The following SPAG1 variants were observed in gnomAD, a reference collection of about 807,000 sequenced individuals.
SPAG1 encodes the protein sperm associated antigen 1.
A neutral mutation model predicts 100.5 loss-of-function variants in SPAG1; 69 were observed. The ratio of observed to expected loss-of-function variants is 0.69; its 90% CI spans 0.57 to 0.84. The LOEUF (loss-of-function observed/expected upper bound fraction) is 0.84. Ranked by LOEUF, SPAG1 falls within the 40% of genes least tolerant of loss-of-function variation. SPAG1 has a pLI of 0.00. For missense variants in SPAG1, 955 were observed against 1,133.1 expected (o/e 0.84, Z 2.26); for synonymous variants, 336 against 411.6 (o/e 0.82, Z 2.22).
chr8:100,162,212 G>A, intron 1 of SPAG1, 67 bp from the exon 2 acceptor site: 4 of 1,281,514 alleles, frequency 3.1e-6, no homozygotes, highest in Non-Finnish European at 4.3e-6. Flanking sequence ...TACCTACATG[G>A]TTACCACTAT....
chr8:100,240,086 T>A (rs1265885987), intron 17 of SPAG1, among the ~76,000 whole-genome samples: 2 of 152,200 alleles, frequency 1.3e-5, no homozygotes, highest in African/African-American at 4.8e-5. Context: ...GCAATGTAAG[T>A]TCATTTCTCT....
At chr8:100,163,350 G>A (rs1354496190) in intron 2 of SPAG1, among the ~76,000 whole-genome samples, 1 of 152,026 alleles carries the variant, frequency 6.6e-6, no homozygotes, top group Non-Finnish European at 1.5e-5. Flanking sequence ...AAGAAACACT[G>A]TCCTGAGTAC....
Position 100,239,405 on chromosome 8 carries a change from G to T in SPAG1, c.2280+1G>T. 6.4e-7 allele frequency: 1 copy of T among 1,572,344 alleles called. No individual in the cohort carries two copies. On this transcript the variant is annotated splice_donor_variant, in intron 17 of 18. Coordinates refer to ENST00000388798, the MANE Select transcript of SPAG1 (RefSeq NM_003114.5). LOFTEE classifies it high-confidence loss of function. The surrounding 1 kb of genome is among the most constrained non-coding windows in gnomAD (Gnocchi z 5.0). Reference sequence around the variant, plus strand: ...GAGAAGGAAAATTGAGATTCAAGAGGTATTTGTATTTGATTATCTTTGAAA... The same window carrying T: ...GAGAAGGAAAATTGAGATTCAAGAGTTATTTGTATTTGATTATCTTTGAAA...
At chr8:100,226,186 G>A (rs758007932) in intron 14 of SPAG1, among the ~76,000 whole-genome samples, 30 of 151,702 alleles carry the variant, frequency 2.0e-4, no homozygotes, top group Admixed American at 1.6e-3. Context: ...TAGTAGAGAC[G>A]GAGTCTCCCT....
chr8:100,229,497 T>C (rs188659472), intron 14 of SPAG1, among the ~76,000 whole-genome samples: 1 of 152,262 alleles, frequency 6.6e-6, no homozygotes, highest in Non-Finnish European at 1.5e-5. Flanking sequence ...CCAGGCTTTT[T>C]AATCTGTTAT....
intron 10 of SPAG1, among the ~76,000 whole-genome samples, chr8:100,211,405 C>T (rs1817711895): frequency 6.6e-6 from 1 of 152,200 alleles, no homozygotes; most frequent in South Asian, 2.1e-4. Flanking sequence ...CCTGCAATCC[C>T]AGGACTTTGG....
At chr8:100,206,052 A>AAAAAAAAAAAAAAAAAAAAAAAAG (rs748963905) in intron 10 of SPAG1, among the ~76,000 whole-genome samples, 1 of 132,704 alleles carries the variant, frequency 7.5e-6, no homozygotes, top group Non-Finnish European at 1.6e-5. Flanking sequence ...AAAAAAAAAA[A>AAAAAAAAAAAAAAAAAAAAAAAAG]AAAGAAAGAT....
chr8:100,187,032 T>C, intron 7 of SPAG1, 88 bp from the exon 8 acceptor site: 2 of 1,327,572 alleles, frequency 1.5e-6, no homozygotes, highest in Non-Finnish European at 2.1e-6. Flanking sequence ...CAGGTTATAA[T>C]TGTTTTATGT....
rs753601332 is a variant in SPAG1 at position 100,240,529 on chromosome 8, C to T, written c.2407C>T (p.Pro803Ser). The change falls in exon 18 of 19, where the codon CCT becomes TCT. Residue 803 changes from proline to serine, a missense_variant. Coordinates refer to ENST00000388798, the MANE Select transcript of SPAG1 (RefSeq NM_003114.5). The stretch of plus-strand genomic sequence containing the variant: ...CCCTGAGAAACTTCCGATAGCCAAG[C>T]CTAATAATGCCTATGAATTTGGTCA... ...EDPEKLPIAK[P>S]NNAYEFGQII... 4.9e-5 allele frequency: 79 copies of T among 1,613,946 alleles called. No homozygotes were observed. Among genetic ancestry groups the T allele is most frequent in the Non-Finnish European group, 3.1e-5 (37 of 1,180,002 alleles).
rs76402530 is a variant in SPAG1 at position 100,186,380 on chromosome 8, G to A, written c.702-740G>A. Among the ~76,000 whole-genome samples, 5 of 152,154 alleles carry A rather than the reference G, an allele frequency of 3.3e-5. No individual in the cohort carries two copies. The East Asian group carries it at 9.6e-4, about 29-fold the overall frequency. On this transcript the variant is annotated intron_variant, in intron 7 of 18. Coordinates refer to ENST00000388798, the MANE Select transcript of SPAG1 (RefSeq NM_003114.5). The stretch of plus-strand genomic sequence containing the variant: ...GCCACCATGCCTGGCTTCAAAAAAT[G>A]TGTTTGGTATTTGATATTTGATGTT...
chr8:100,239,322 AG>A lies in SPAG1; in HGVS notation c.2200del (p.Val734Ter), dbSNP rs1342592361. On this transcript the variant is annotated frameshift_variant, in exon 17 of 19. Coordinates refer to ENST00000388798, the MANE Select transcript of SPAG1 (RefSeq NM_003114.5). LOFTEE classifies it high-confidence loss of function. The surrounding 1 kb of genome is among the most constrained non-coding windows in gnomAD (Gnocchi z 5.0). ...SIIEAKMELE[E>X]VTRLLNLKDK... ...ATTGAGGCAAAGATGGAACTGGAAG[AG>A]GTAACTAGACTCCTTAATCTTAAGG... 2 of 1,571,396 alleles carry A rather than the reference AG, an allele frequency of 1.3e-6. No individual in the cohort carries two copies. Among genetic ancestry groups the A allele is most frequent in the African/African-American group, 1.4e-5 (1 of 72,410 alleles).
intron 10 of SPAG1, among the ~76,000 whole-genome samples, chr8:100,201,103 T>TTTCCTTCC (rs770714931): frequency 6.6e-6 from 1 of 151,930 alleles, no homozygotes; most frequent in Non-Finnish European, 1.5e-5. Context: ...TTTATTTCTT[T>TTTCCTTCC]TTCCTTCCTT....
rs1244692102 is a variant in SPAG1 at position 100,213,445 on chromosome 8, C to T, written c.1435+17C>T. 2.9e-6 allele frequency: 4 copies of T among 1,384,884 alleles called. No homozygotes were observed. The highest frequency in any genetic ancestry group is 2.8e-6 in the Non-Finnish European group (3 of 1,071,612). 85.8% of individuals were successfully genotyped at this position (1,384,884 alleles called of 1,614,324 possible). ...AGCCAGCAGGTAGGTGCGCCGCGCC[C>T]CGCCGCTTCCTGGGCCCCTCGCGCT... On this transcript the variant is annotated intron_variant, in intron 11 of 18. Transcript: ENST00000388798.
At chr8:100,228,092 C>T (rs1337358121) in intron 14 of SPAG1, among the ~76,000 whole-genome samples, 1 of 152,024 alleles carries the variant, frequency 6.6e-6, no homozygotes, top group East Asian at 1.9e-4. Context: ...AATCCTTCTG[C>T]CTCAACCTCT....
chr8:100,194,173 C>T lies in SPAG1; in HGVS notation c.1001C>T (p.Thr334Ile), dbSNP rs747357469. 1 of 1,607,852 alleles carries T rather than the reference C, an allele frequency of 6.2e-7. No individual in the cohort carries two copies. Among genetic ancestry groups the T allele is most frequent in the South Asian group, 1.1e-5 (1 of 89,060 alleles). Residue 334 changes from threonine (T) to isoleucine (I), a missense_variant, in exon 10 of 19, where the codon ACC (threonine) becomes ATC (isoleucine). Coordinates refer to ENST00000388798, the MANE Select transcript of SPAG1 (RefSeq NM_003114.5). ...KNSEAASETQ[T>I]KGKRMVIQEI... ...TCTGAAGCTGCATCTGAGACTCAAA[C>T]CAAAGGGAAAAGGATGGTTATTCAG...
intron 10 of SPAG1, among the ~76,000 whole-genome samples, chr8:100,197,044 A>G (rs914523957): frequency 6.6e-6 from 1 of 151,954 alleles, no homozygotes; most frequent in Admixed American, 6.6e-5. Context: ...ACACCACCGC[A>G]CTCAGCTTGC....
At chr8:100,178,041 T>A in intron 4 of SPAG1, 100 bp downstream of exon 4, 1 of 939,132 alleles carries the variant, frequency 1.1e-6, no homozygotes, top group Non-Finnish European at 1.6e-6. Flanking sequence ...ATGTGTGATG[T>A]CCTCTAGGAG....
intron 3 of SPAG1, among the ~76,000 whole-genome samples, chr8:100,169,115 TTTTC>T (rs1005976016): frequency 2.0e-5 from 3 of 152,174 alleles, no homozygotes; most frequent in Admixed American, 2.0e-4. Flanking sequence ...GACATCTAAT[TTTTC>T]TCCTAGGAAG....
intron 10 of SPAG1, among the ~76,000 whole-genome samples, chr8:100,200,265 A>G (rs1263603083): frequency 6.6e-6 from 1 of 152,206 alleles, no homozygotes; most frequent in East Asian, 1.9e-4. Context: ...GTCCCTACAA[A>G]GGACATGAAC....
Sources: allele counts gnomAD v4.1 joint callset (sites outside exome capture counted in the v4.1 genomes callset), GRCh38; gene constraint gnomAD v4.1.1; non-coding constraint Gnocchi (gnomAD v3.1); transcripts MANE v1.5; gene names NCBI Gene and HGNC (gene_info 2026-07-23, HGNC 2026-07-21).